Variants in SASH1 observed in about 807,000 individuals in gnomAD.
The protein encoded by SASH1 is SAM and SH3 domain containing 1.
A neutral mutation model predicts 125.2 loss-of-function variants in SASH1; 44 were observed. The ratio of observed to expected loss-of-function variants is 0.35; its 90% CI spans 0.28 to 0.45. SASH1 has a LOEUF of 0.45. Ranked by LOEUF, SASH1 falls within the 20% of genes least tolerant of loss-of-function variation. The pLI is 1.00. For synonymous variants in SASH1, 639 were observed against 649.1 expected (o/e 0.98, Z 0.24); for missense variants, 1,426 against 1,614.5 (o/e 0.88, Z 2.00).
rs1304917132 is a variant in SASH1, at chr6:148,546,059, A to G, written c.3393A>G (p.Ala1131=). Residue 1131 remains alanine, a synonymous_variant, in exon 19 of 20, where the codon GCA becomes GCG. Coordinates refer to ENST00000367467, the MANE Select transcript of SASH1 (RefSeq NM_015278.5). ...CTGAAGCCCTGGTGCAGAGATACGC[A>G]GAGGACTTGGATCAGCCCGAGCGGG... is the stretch of plus-strand genomic sequence containing the variant. ...GIPEALVQRY[A]EDLDQPERDV... 2 of 1,614,130 alleles carry G rather than the reference A, an allele frequency of 1.2e-6. No individual in the cohort carries two copies. The highest frequency in any genetic ancestry group is 2.7e-5 in the African/African-American group (2 of 74,952).
intron 1 of SASH1, among the ~76,000 whole-genome samples, chr6:148,383,116 A>G (rs1450460603): frequency 1.3e-5 from 2 of 152,232 alleles, no homozygotes; most frequent in Admixed American, 6.5e-5. Context: ...GAACAGTAAC[A>G]TTACAGGGAT....
intron 16 of SASH1, among the ~76,000 whole-genome samples, chr6:148,538,686 AG>A (rs1394273600): frequency 2.0e-5 from 3 of 152,226 alleles, no homozygotes; most frequent in Non-Finnish European, 2.9e-5. Flanking sequence ...AGTGGTGGAC[AG>A]CCGGAGAGCT....
chr6:148,324,830 C>G (rs1032794943), intron 1 of SASH1, among the ~76,000 whole-genome samples: 1 of 152,132 alleles, frequency 6.6e-6, no homozygotes, highest in African/African-American at 2.4e-5. Flanking sequence ...TCTGGTCAAA[C>G]TAGGACGGCT....
the SASH1 span, among the ~76,000 whole-genome samples, chr6:148,205,309 G>A: frequency 3.9e-5 from 6 of 152,134 alleles, no homozygotes; most frequent in South Asian, 2.1e-4. Flanking sequence ...AAGAGGTCTC[G>A]GGTCAGCCTT....
intron 8 of SASH1, among the ~76,000 whole-genome samples, chr6:148,500,340 C>T (rs141242447): frequency 7.2e-5 from 11 of 152,082 alleles, no homozygotes; most frequent in African/African-American, 2.2e-4. Flanking sequence ...ATTGGGATAG[C>T]TGGACTCTGC....
chr6:148,296,190 A>G (rs1032123708), intron 1 of SASH1, among the ~76,000 whole-genome samples: 2 of 152,146 alleles, frequency 1.3e-5, no homozygotes, highest in Admixed American at 6.5e-5. Flanking sequence ...CAGTGGCGCT[A>G]TCTCGGCTCA....
chr6:148,497,037 G>T (rs1270114126), intron 8 of SASH1, among the ~76,000 whole-genome samples: 4 of 152,068 alleles, frequency 2.6e-5, no homozygotes, highest in African/African-American at 7.2e-5. Flanking sequence ...ATAGGAGGAA[G>T]TATTACTCTG....
At chr6:148,263,710 A>C in the SASH1 span, among the ~76,000 whole-genome samples, 13 of 82,786 alleles carry the variant, frequency 1.6e-4, no homozygotes, top group African/African-American at 6.3e-4. Context: ...CTGGAACCTG[A>C]AAAGAAACTG....
rs531831509 is a variant in SASH1 at position 148,305,081 on chromosome 6, G to A, written n.74+32704G>A. On this transcript the variant is annotated intron_variant and non_coding_transcript_variant, in intron 1 of 3. Transcript: ENST00000367469. The stretch of plus-strand genomic sequence containing the variant: ...CTACAGTCTATACTACTCAGTTCCT[G>A]AATACACATTTCTTTAGAATGTATT... 7.9e-5 allele frequency among the ~76,000 whole-genome samples: 12 copies of A among 152,296 alleles called. No homozygotes were observed. In the South Asian group the frequency reaches 2.3e-3, roughly 29 times the overall value.
At chr6:148,301,496 C>G (rs1206934258) in intron 1 of SASH1, among the ~76,000 whole-genome samples, 1 of 152,056 alleles carries the variant, frequency 6.6e-6, no homozygotes, top group Non-Finnish European at 1.5e-5. Context: ...AAACTCCTGA[C>G]CTCAGGTGAT....
intron 4 of SASH1, among the ~76,000 whole-genome samples, chr6:148,464,150 A>G (rs1424322634): frequency 2.0e-5 from 3 of 152,204 alleles, no homozygotes; most frequent in African/African-American, 7.2e-5. Flanking sequence ...TCCTTAATGT[A>G]GGAATTTTCT....
the SASH1 span, among the ~76,000 whole-genome samples, chr6:148,255,271 T>C: frequency 6.6e-6 from 1 of 152,136 alleles, no homozygotes; most frequent in African/African-American, 2.4e-5. Context: ...CTGAGGCCTC[T>C]CTCCTTGGCT....
chr6:148,303,585 T>G (rs1214915392), intron 1 of SASH1, among the ~76,000 whole-genome samples: 1 of 151,440 alleles, frequency 6.6e-6, no homozygotes, highest in African/African-American at 2.4e-5. Flanking sequence ...TCACTTGAGG[T>G]CAGGAGTTCG....
At chr6:148,420,702 G>A (rs181980652) in intron 2 of SASH1, among the ~76,000 whole-genome samples, 1 of 152,094 alleles carries the variant, frequency 6.6e-6, no homozygotes, top group East Asian at 1.9e-4. Flanking sequence ...TAATCGTTAT[G>A]TACCCTTTGT....
At position 148,495,980 on chromosome 6, in the gene SASH1, C is replaced by T. The variant is rs1422906217; in HGVS notation, c.729+8265C>T. ...CCTCCAGAGTAGCTGGGATTACAGGCGCACGCCATCACGCCTGGCTAATTT... is the reference window on the plus strand; with the variant it reads ...CCTCCAGAGTAGCTGGGATTACAGGTGCACGCCATCACGCCTGGCTAATTT... On this transcript the variant is annotated intron_variant, in intron 8 of 19. Transcript: ENST00000367467. This position sits in a 1 kb window ranked among gnomAD's most constrained non-coding sequence, Gnocchi z 4.0. Among the ~76,000 whole-genome samples, 4 of 151,662 alleles carry T rather than the reference C, an allele frequency of 2.6e-5. No individual in the cohort carries two copies. Among genetic ancestry groups the T allele is most frequent in the Non-Finnish European group, 5.9e-5 (4 of 67,964 alleles).
At chr6:148,451,489 A>G (rs1174620980) in intron 4 of SASH1, among the ~76,000 whole-genome samples, 1 of 152,064 alleles carries the variant, frequency 6.6e-6, no homozygotes, top group Non-Finnish European at 1.5e-5. Flanking sequence ...GTCTCCCTAG[A>G]TTTTCCTCTT....
chr6:148,264,843 T>C, the SASH1 span, among the ~76,000 whole-genome samples: 1 of 152,222 alleles, frequency 6.6e-6, no homozygotes, highest in Non-Finnish European at 1.5e-5. Flanking sequence ...TTTTGAAAAA[T>C]TGAGCACAGC....
At chr6:148,444,387 G>A (rs1023485048) in intron 4 of SASH1, among the ~76,000 whole-genome samples, 4 of 152,168 alleles carry the variant, frequency 2.6e-5, no homozygotes, top group East Asian at 1.9e-4. Context: ...TGAGATTTCC[G>A]ACATACCTGG....
At chr6:148,368,770 G>GCACGCACACACACACATACA (rs1554245333) in intron 1 of SASH1, among the ~76,000 whole-genome samples, 1 of 135,642 alleles carries the variant, frequency 7.4e-6, no homozygotes, top group African/African-American at 2.7e-5. Context: ...GCACGCGCGC[G>GCACGCACACACACACATACA]CACACACACA....
Sources: gnomAD v4.1 joint callset for allele counts (sites outside exome capture counted in the v4.1 genomes callset) on GRCh38, gnomAD v4.1.1 for gene constraint, Gnocchi (gnomAD v3.1) non-coding constraint, MANE v1.5 for transcripts, NCBI Gene and HGNC (gene_info 2026-07-23, HGNC 2026-07-21) for gene names.